The following MON2 variants were observed in gnomAD, a reference collection of about 807,000 sequenced individuals.
MON2 encodes the protein MON2 regulator of endosome-to-Golgi trafficking, also known as protein MON2 homolog.
A neutral mutation model predicts 208.6 loss-of-function variants in MON2; 84 were observed. The observed-to-expected ratio is 0.40, with a 90% CI of 0.34 to 0.48. The LOEUF (loss-of-function observed/expected upper bound fraction) is 0.48, where lower values mean the gene tolerates loss of function less well. Among genes scored for constraint, MON2 ranks in the 20% least tolerant of loss-of-function variants. MON2 has a pLI of 0.59. For missense variants in MON2, 1,611 were observed against 2,015.4 expected, an observed-to-expected ratio of 0.80 and a Z score of 3.84; for synonymous variants, 660 against 694.0, an observed-to-expected ratio of 0.95 and a Z score of 0.77.
Position 62,571,510 on chromosome 12 carries a change from C to T in MON2, c.4442C>T (p.Ala1481Val). ...GGGCTACCTGTTGCCCGGCAGCATG[C>T]TTCTTCTGGAAAATTTGACAGTATG... ...SIGLPVARQH[A>V]SSGKFDSMWP... The change falls in exon 30 of 35, where the codon GCT (alanine) becomes GTT (valine). Residue 1481 changes from alanine (A) to valine (V), a missense_variant. Ala to Val is a moderately conservative substitution (Grantham distance 64, BLOSUM62 0). Coordinates refer to ENST00000393630, the MANE Select transcript of MON2 (RefSeq NM_015026.3). 6.2e-7 allele frequency: 1 copy of T among 1,614,046 alleles called. No individual in the cohort carries two copies. Among genetic ancestry groups the T allele is most frequent in the Non-Finnish European group, 8.5e-7 (1 of 1,179,966 alleles).
chr12:62,578,172 T>TA (rs1163597750), intron 30 of MON2, among the ~76,000 whole-genome samples: 1 of 152,210 alleles, frequency 6.6e-6, no homozygotes, highest in African/African-American at 2.4e-5. Flanking sequence ...CGTTGTTTTT[T>TA]CATTCATAAT....
At chr12:62,503,237 C>A (rs1043985597) in intron 7 of MON2, among the ~76,000 whole-genome samples, 4 of 152,176 alleles carry the variant, frequency 2.6e-5, no homozygotes, top group African/African-American at 4.8e-5. Context: ...AATTTGTCTG[C>A]AGTTTCATGG....
chr12:62,517,991 G>T (rs972891525), intron 8 of MON2, among the ~76,000 whole-genome samples: 1 of 152,190 alleles, frequency 6.6e-6, no homozygotes, highest in Non-Finnish European at 1.5e-5. Flanking sequence ...GCCAGAAACT[G>T]TGTAGCTTAA....
At chr12:62,518,596 C>G (rs922747706) in intron 8 of MON2, among the ~76,000 whole-genome samples, 1 of 152,134 alleles carries the variant, frequency 6.6e-6, no homozygotes, top group Non-Finnish European at 1.5e-5. Context: ...ATAACATTCT[C>G]CATATTTTGA....
intron 19 of MON2, among the ~76,000 whole-genome samples, chr12:62,541,887 T>C (rs2073258494): frequency 6.6e-6 from 1 of 152,196 alleles, no homozygotes; most frequent in African/African-American, 2.4e-5. Context: ...AAAGAAGTAA[T>C]ATTAGGCAAC....
chr12:62,522,988 G>T (rs1031984973), intron 8 of MON2, among the ~76,000 whole-genome samples: 3 of 152,118 alleles, frequency 2.0e-5, no homozygotes, highest in South Asian at 2.1e-4. Flanking sequence ...TATTCCTTCG[G>T]CTGTAATATA....
At chr12:62,517,073 A>C (rs1260884667) in intron 8 of MON2, among the ~76,000 whole-genome samples, 1 of 152,188 alleles carries the variant, frequency 6.6e-6, no homozygotes, top group African/African-American at 2.4e-5. Flanking sequence ...CCAAATGTTT[A>C]GAAAGTTTTT....
Position 62,546,339 on chromosome 12 carries a change from AG to A in MON2, c.2578-557del, listed in dbSNP as rs1188584883. Reference sequence around the variant, plus strand: ...ATCTATAATTAGTATCTTTAAAGTAAGATAACTACCCATTTATCTAAAATCT... The same window carrying A: ...ATCTATAATTAGTATCTTTAAAGTAAATAACTACCCATTTATCTAAAATCT... On this transcript the variant is annotated intron_variant, in intron 21 of 34. Transcript: ENST00000393630. Among the ~76,000 whole-genome samples the A allele has an allele frequency of 2.0e-5, 3 of 152,238 alleles. No individual in the cohort carries two copies. The East Asian group carries it at 5.8e-4, about 29-fold the overall frequency.
At chr12:62,484,812 G>T (rs1204104236) in intron 2 of MON2, 1 of 151,820 alleles carries the variant, frequency 6.6e-6, no homozygotes, top group Non-Finnish European at 1.5e-5. Flanking sequence ...ATTTTCAGGA[G>T]TTTCTCTTTG....
intron 25 of MON2, among the ~76,000 whole-genome samples, chr12:62,558,672 A>G (rs1294662081): frequency 2.0e-5 from 3 of 151,098 alleles, no homozygotes; most frequent in African/African-American, 7.3e-5. Context: ...TTTTTATTGT[A>G]TGTAAATTAT....
At chr12:62,555,149 C>G (rs952591164) in intron 24 of MON2, among the ~76,000 whole-genome samples, 1 of 151,892 alleles carries the variant, frequency 6.6e-6, no homozygotes. Flanking sequence ...GATGCCTCAA[C>G]AAGTCTTATA....
chr12:62,519,099 T>G (rs564646944), intron 8 of MON2, among the ~76,000 whole-genome samples: 11 of 152,328 alleles, frequency 7.2e-5, no homozygotes, highest in Non-Finnish European at 1.5e-4. Context: ...TTTATTACTT[T>G]TTTTGCAACA....
intron 2 of MON2, among the ~76,000 whole-genome samples, chr12:62,492,651 G>A (rs1206189973): frequency 6.8e-6 from 1 of 147,104 alleles, no homozygotes; most frequent in Non-Finnish European, 1.5e-5. Context: ...GATTACAGGC[G>A]TGAGCCACCG....
intron 2 of MON2, among the ~76,000 whole-genome samples, chr12:62,489,877 A>C (rs908414831): frequency 2.0e-5 from 3 of 152,144 alleles, no homozygotes; most frequent in African/African-American, 7.2e-5. Flanking sequence ...CTAGATTTTA[A>C]GCATTTTGAG....
chr12:62,573,770 T>C (rs2074683033), intron 30 of MON2, among the ~76,000 whole-genome samples: 3 of 152,108 alleles, frequency 2.0e-5, no homozygotes, highest in African/African-American at 7.2e-5. Flanking sequence ...ATTCTTATTT[T>C]ATTAAATCCC....
At chr12:62,513,493 T>C (rs983906975) in intron 8 of MON2, among the ~76,000 whole-genome samples, 8 of 152,010 alleles carry the variant, frequency 5.3e-5, no homozygotes, top group Non-Finnish European at 7.4e-5. Flanking sequence ...CCCAAAGTGC[T>C]GGGATTATAG....
At chr12:62,577,028 T>G (rs2074817039) in intron 30 of MON2, among the ~76,000 whole-genome samples, 1 of 151,960 alleles carries the variant, frequency 6.6e-6, no homozygotes, top group Non-Finnish European at 1.5e-5. Flanking sequence ...TTTTTGCCTC[T>G]TCATTTTTTG....
chr12:62,487,143 T>C (rs1241391080), intron 2 of MON2, among the ~76,000 whole-genome samples: 1 of 152,146 alleles, frequency 6.6e-6, no homozygotes, highest in Admixed American at 6.5e-5. Context: ...TTGATTCAGA[T>C]GTACAGATCA....
chr12:62,494,444 A>T (rs1377263277), intron 3 of MON2, among the ~76,000 whole-genome samples: 1 of 152,212 alleles, frequency 6.6e-6, no homozygotes, highest in Non-Finnish European at 1.5e-5. Context: ...TGGAAAAATG[A>T]GAAAAAATAT....
Sources: gnomAD v4.1 joint callset for allele counts (sites outside exome capture counted in the v4.1 genomes callset) on GRCh38, gnomAD v4.1.1 for gene constraint, MANE v1.5 for transcripts, NCBI Gene and HGNC (gene_info 2026-07-23, HGNC 2026-07-21) for gene names.